Variants in HR observed in about 807,000 individuals in gnomAD.
The protein encoded by HR is HR lysine demethylase and nuclear receptor corepressor.
Under a neutral mutation model 128.6 loss-of-function variants are expected in HR, and 83 were observed. The observed-to-expected ratio is 0.65, with a 90% CI of 0.54 to 0.77. The LOEUF is 0.77. Among genes scored for constraint, HR ranks in the 30% least tolerant of loss-of-function variants. HR has a pLI of 0.00. For synonymous variants in HR, 681 were observed against 658.2 expected, an observed-to-expected ratio of 1.03 and a Z score of -0.53; for missense variants, 1,490 against 1,574.6, an observed-to-expected ratio of 0.95 and a Z score of 0.91.
intron 3 of HR, 98 bp downstream of exon 3, chr8:22,126,939 G>C: frequency 1.6e-6 from 2 of 1,219,332 alleles, no homozygotes; most frequent in Non-Finnish European, 2.3e-6. Context: ...CACTGGTTGT[G>C]GTCCACTCAT....
rs932732986 is a variant in HR, at chr8:22,119,736, G to A, written c.2977+24C>T. 3 of 1,594,084 alleles carry A rather than the reference G, an allele frequency of 1.9e-6. No individual in the cohort carries two copies. In the East Asian group the frequency reaches 6.7e-5, roughly 36 times the overall value. Reference sequence around the variant, plus strand: ...GCAGACAGGCATGGGAGTAGAGACTGGGCAGGAGTGGAGGGACACTCACCA... The same window carrying A: ...GCAGACAGGCATGGGAGTAGAGACTAGGCAGGAGTGGAGGGACACTCACCA... On this transcript the variant is annotated intron_variant, in intron 14 of 18. Coordinates refer to ENST00000381418, the MANE Select transcript of HR (RefSeq NM_005144.5).
intron 12 of HR, 58 bp downstream of exon 12, chr8:22,120,284 A>C: frequency 1.9e-6 from 3 of 1,612,652 alleles, no homozygotes; most frequent in Non-Finnish European, 2.5e-6. Flanking sequence ...CTCCTCTGCC[A>C]CCCGATCCCT....
Position 22,128,898 on chromosome 8 carries a change from C to T in HR, c.273G>A (p.Leu91=), listed in dbSNP as rs1311797279. Residue 91 remains leucine (L), a synonymous_variant, in exon 2 of 19, where the codon CTG becomes CTA. Coordinates refer to ENST00000381418, the MANE Select transcript of HR (RefSeq NM_005144.5). ...PQNGERKVNW[L]GSKEGLRWKE... ...TCCAGCGCAGTCCCTCTTTGCTGCCCAGCCAGTTGACCTTCCTCTCCCCAT... is the reference window on the plus strand; with the variant it reads ...TCCAGCGCAGTCCCTCTTTGCTGCCTAGCCAGTTGACCTTCCTCTCCCCAT... 6.2e-7 allele frequency: 1 copy of T among 1,613,510 alleles called. No homozygotes were observed. The highest frequency in any genetic ancestry group is 1.3e-5 in the African/African-American group (1 of 75,064).
rs1450165382 is a variant in HR, at chr8:22,119,222, C to G, written c.3039G>C (p.Leu1013=). Residue 1013 remains leucine (L), a synonymous_variant, in exon 15 of 19, where the codon CTG becomes CTC. Coordinates refer to ENST00000381418, the MANE Select transcript of HR (RefSeq NM_005144.5). The part of the protein sequence containing the change: ...TKNLCVEVAD[L]VSILVHADTP... ...TGTCGGCATGCACCAGGATGCTGAC[C>G]AGGTCGGCCACCTCCACACAGAGGT... 2.5e-6 allele frequency: 4 copies of G among 1,613,866 alleles called. No individual in the cohort carries two copies. The highest frequency in any genetic ancestry group is 3.4e-6 in the Non-Finnish European group (4 of 1,180,018).
chr8:22,124,180 G>C (rs1342540215), intron 5 of HR, among the ~76,000 whole-genome samples: 1 of 152,186 alleles, frequency 6.6e-6, no homozygotes, highest in Non-Finnish European at 1.5e-5. Flanking sequence ...CCAAGCCCTA[G>C]GTGCTACCAG....
intron 6 of HR, 116 bp downstream of exon 6, chr8:22,123,533 G>T: frequency 2.0e-6 from 2 of 989,372 alleles, no homozygotes; most frequent in Non-Finnish European, 3.0e-6. Context: ...CTGAGGCTGG[G>T]GCTGTGCAGT....
chr8:22,128,174 T>C (rs1826950394), intron 2 of HR: 1 of 511,056 alleles, frequency 2.0e-6, no homozygotes, highest in Non-Finnish European at 3.6e-6. Context: ...GTGGGAGTCA[T>C]CTATGGAGGA....
At position 22,119,015 on chromosome 8, in the gene HR, C is replaced by G; in HGVS notation, c.3148G>C (p.Val1050Leu). The change falls in exon 16 of 19, where the codon GTC becomes CTC. Residue 1050 changes from valine (V) to leucine (L), a missense_variant. This residue lies in a region of HR where 423 missense variants were observed against 495.9 expected (regional missense o/e 0.85). Coordinates refer to ENST00000381418, the MANE Select transcript of HR (RefSeq NM_005144.5). ...GEGLWSPGSQ[V>L]STVWHVFRAQ... ...CGGAACACGTGCCACACAGTGCTGA[C>G]CTGGCTGCCCGGAGACCAGAGCCCC... 1 of 1,613,182 alleles carries G rather than the reference C, an allele frequency of 6.2e-7. No individual in the cohort carries two copies. Among genetic ancestry groups the G allele is most frequent in the Non-Finnish European group, 8.5e-7 (1 of 1,179,990 alleles).
At position 22,120,961 on chromosome 8, in the gene HR, G is replaced by T; in HGVS notation, c.2368-3C>A. The stretch of plus-strand genomic sequence containing the variant: ...AGGATGTTGGTGATGCGGTCATCCT[G>T]CAGAGAGGGGCACAGGGGCTTAGGA... On this transcript the variant is annotated splice_polypyrimidine_tract_variant and splice_region_variant and intron_variant, in intron 10 of 18. Transcript: ENST00000381418. The T allele has an allele frequency of 6.2e-7, 1 of 1,600,306 alleles. No homozygotes were observed. Among genetic ancestry groups the T allele is most frequent in the Non-Finnish European group, 8.5e-7 (1 of 1,173,510 alleles).
At chr8:22,126,939 G>A in intron 3 of HR, 98 bp downstream of exon 3, 1 of 1,219,332 alleles carries the variant, frequency 8.2e-7, no homozygotes, top group Non-Finnish European at 1.1e-6. Flanking sequence ...CACTGGTTGT[G>A]GTCCACTCAT....
chr8:22,126,955 C>T, intron 3 of HR, 82 bp downstream of exon 3: 9 of 1,424,890 alleles, frequency 6.3e-6, no homozygotes, highest in Non-Finnish European at 8.6e-6. Context: ...CTCATAAAGC[C>T]TACAGACCCC....
Position 22,120,124 on chromosome 8 carries a change from C to A in HR, c.2826G>T (p.Leu942Phe). 6.3e-7 allele frequency: 1 copy of A among 1,591,376 alleles called. No homozygotes were observed. The highest frequency in any genetic ancestry group is 2.3e-5 in the East Asian group (1 of 44,090). ...CACACCTGCTGGTGTCCTCATCCCC[C>A]AAAGCTCGGTGCAGCAGGAGGACAG... ...EGSVLLLHRA[L>F]GDEDTSRVEN... Residue 942 changes from leucine (L) to phenylalanine (F), a missense_variant, in exon 13 of 19, where the codon TTG becomes TTT. Physicochemically the swap from Leu to Phe is conservative, Grantham distance 22. Around this residue, in one of 3 missense-constraint regions of HR, gnomAD observed 423 missense variants for 495.9 expected, o/e 0.85. Transcript: ENST00000381418.
At position 22,120,817 on chromosome 8, in the gene HR, GC is replaced by G; in HGVS notation, c.2508del (p.Arg838GlyfsTer64). 1 of 1,548,624 alleles carries G rather than the reference GC, an allele frequency of 6.5e-7. No homozygotes were observed. The highest frequency in any genetic ancestry group is 8.7e-7 in the Non-Finnish European group (1 of 1,145,338). ...AAAGCCCCTGGGGGAGGCAGCCGGG[GC>G]CGCACTGGAGAGAGGGGCAGGCCCA... ...KGLGLPLSPV[R>X]PRLPPPGALL... On this transcript the variant is annotated frameshift_variant, in exon 11 of 19. Coordinates refer to ENST00000381418, the MANE Select transcript of HR (RefSeq NM_005144.5). LOFTEE classifies it high-confidence loss of function.
Position 22,116,220 on chromosome 8 carries a change from C to T in HR, c.3507+80G>A, listed in dbSNP as rs1826582177. ...CCTGCTTGGCACAGGGTGGGATCTG[C>T]TATGTCCACTGCAGCTGTGGCACAG... On this transcript the variant is annotated intron_variant, in intron 18 of 18. Transcript: ENST00000381418. This position sits in a 1 kb window ranked among gnomAD's most constrained non-coding sequence, Gnocchi z 4.2. The T allele has an allele frequency of 1.9e-6, 3 of 1,599,860 alleles. No individual in the cohort carries two copies. In the Admixed American group the frequency reaches 5.0e-5, roughly 27 times the overall value.
At position 22,120,655 on chromosome 8, in the gene HR, C is replaced by A. The variant is rs1023003084; in HGVS notation, c.2610+61G>T. Reference sequence around the variant, plus strand: ...ACTGGGTCTGTCTGGGCCTAGGGACCAAGGCCCCGAGGGGCAGGTGGGGTG... The same window carrying A: ...ACTGGGTCTGTCTGGGCCTAGGGACAAAGGCCCCGAGGGGCAGGTGGGGTG... On this transcript the variant is annotated intron_variant, in intron 11 of 18. Coordinates refer to ENST00000381418, the MANE Select transcript of HR (RefSeq NM_005144.5). 4.2e-5 allele frequency: 65 copies of A among 1,534,906 alleles called. No individual in the cohort carries two copies. In the African/African-American group the frequency reaches 7.5e-4, roughly 18 times the overall value.
At position 22,123,746 on chromosome 8, in the gene HR, T is replaced by A. The variant is rs1826816700; in HGVS notation, c.1818A>T (p.Gly606=). ...IPRCCSRCHH[G]LFNTHWRCPR... ...GACATCGCCAGTGGGTGTTGAAGAG[T>A]CCATGGTGGCAACGGCTGCAGCAGC... Residue 606 remains glycine, a synonymous_variant, in exon 6 of 19, where the codon GGA becomes GGT. Transcript: ENST00000381418. 1.3e-6 allele frequency: 2 copies of A among 1,597,508 alleles called. No individual in the cohort carries two copies. Among genetic ancestry groups the A allele is most frequent in the Middle Eastern group, 3.3e-4 (2 of 6,054 alleles).
intron 8 of HR, 151 bp from the exon 9 acceptor site, chr8:22,121,845 G>T: frequency 1.3e-6 from 1 of 780,382 alleles, no homozygotes; most frequent in Non-Finnish European, 2.2e-6. Flanking sequence ...ATAACATTAG[G>T]TGGAAAAAAG....
rs756460347 is a variant in HR, at chr8:22,127,809, C to T, written c.633G>A (p.Pro211=). 3.8e-6 allele frequency: 6 copies of T among 1,598,602 alleles called. No individual in the cohort carries two copies. The highest frequency in any genetic ancestry group is 2.7e-5 in the African/African-American group (2 of 74,918). ...GCTCCTTTGCCAACCTGGGAATGCTCGGATCCTTGTAGTAAAAGCCCTAAA... is the reference window on the plus strand; with the variant it reads ...GCTCCTTTGCCAACCTGGGAATGCTTGGATCCTTGTAGTAAAAGCCCTAAA... The part of the protein sequence containing the change: ...LGSKGFYYKD[P]SIPRLAKEPL... The change falls in exon 3 of 19, where the codon CCG becomes CCA. Residue 211 remains proline, a synonymous_variant. Transcript: ENST00000381418.
At chr8:22,129,571 A>AAG (rs1826997068) in intron 1 of HR, among the ~76,000 whole-genome samples, 1 of 152,034 alleles carries the variant, frequency 6.6e-6, no homozygotes, top group Non-Finnish European at 1.5e-5. Context: ...CCTGAGCCTG[A>AAG]CTCTGTCCTA....
Sources: allele counts gnomAD v4.1 joint callset (sites outside exome capture counted in the v4.1 genomes callset), GRCh38; gene constraint gnomAD v4.1.1; regional missense constraint gnomAD v4.1.1; non-coding constraint Gnocchi (gnomAD v3.1); transcripts MANE v1.5; gene names NCBI Gene and HGNC (gene_info 2026-07-23, HGNC 2026-07-21).